SRGAP1: variants seen among roughly 807,000 people sequenced by gnomAD.
SRGAP1 encodes the protein SLIT-ROBO Rho GTPase activating protein 1.
Under a neutral mutation model 121.9 loss-of-function variants are expected in SRGAP1, and 43 were observed. The ratio of observed to expected loss-of-function variants is 0.35; its 90% CI spans 0.28 to 0.46. The LOEUF (loss-of-function observed/expected upper bound fraction) is 0.46. SRGAP1 is among the 20% of genes least tolerant of loss of function. SRGAP1 has a pLI of 1.00. For missense variants in SRGAP1, 1,102 were observed against 1,350.9 expected, an observed-to-expected ratio of 0.82 and a Z score of 2.89; for synonymous variants, 447 against 485.4, an observed-to-expected ratio of 0.92 and a Z score of 1.04.
intron 1 of SRGAP1, among the ~76,000 whole-genome samples, chr12:63,965,151 G>C (rs958006528): frequency 1.3e-5 from 2 of 152,128 alleles, no homozygotes; most frequent in Non-Finnish European, 2.9e-5. Flanking sequence ...AGCTAATAAA[G>C]AGCCTGGCTT....
intron 21 of SRGAP1, among the ~76,000 whole-genome samples, chr12:64,138,850 G>A (rs1056930753): frequency 6.6e-6 from 1 of 152,044 alleles, no homozygotes; most frequent in Non-Finnish European, 1.5e-5. Context: ...TCAGTTAATT[G>A]AGTTAACTCA....
At chr12:64,134,165 T>C (rs2036825490) in intron 21 of SRGAP1, among the ~76,000 whole-genome samples, 1 of 152,102 alleles carries the variant, frequency 6.6e-6, no homozygotes, top group Non-Finnish European at 1.5e-5. Flanking sequence ...CTCATGCCTA[T>C]AATCTCAGCA....
Position 63,875,367 on chromosome 12 carries a change from A to C in SRGAP1, c.67+30484A>C, listed in dbSNP as rs73126641. On this transcript the variant is annotated intron_variant, in intron 1 of 21. Transcript: ENST00000355086. ...TATTTTATTTCTGCTTTTTAGCAGG[A>C]AGGTCGCCAATAATCAAGCTGTAAA... Among the ~76,000 whole-genome samples the C allele has an allele frequency of 3.5e-3, 538 of 152,306 alleles. 1 individual carries two copies. The highest frequency in any genetic ancestry group is 5.1e-3 in the Non-Finnish European group (350 of 68,032).
intron 1 of SRGAP1, among the ~76,000 whole-genome samples, chr12:63,864,253 T>C (rs926223067): frequency 2.0e-5 from 3 of 152,204 alleles, no homozygotes; most frequent in Non-Finnish European, 4.4e-5. Context: ...CGTTGTGAAA[T>C]AATGTACAGA....
chr12:63,943,527 G>A (rs978534063), intron 1 of SRGAP1, among the ~76,000 whole-genome samples: 2 of 152,156 alleles, frequency 1.3e-5, no homozygotes, highest in South Asian at 2.1e-4. Flanking sequence ...TTTTTCCAAG[G>A]TTACATAGCT....
At chr12:63,933,098 G>A (rs1191082860) in intron 1 of SRGAP1, among the ~76,000 whole-genome samples, 1 of 152,154 alleles carries the variant, frequency 6.6e-6, no homozygotes, top group African/African-American at 2.4e-5. Flanking sequence ...TGAAGCAGGA[G>A]AATCACTTGA....
chr12:64,125,593 C>T (rs1369155752), intron 18 of SRGAP1, among the ~76,000 whole-genome samples: 1 of 152,260 alleles, frequency 6.6e-6, no homozygotes, highest in East Asian at 1.9e-4. Context: ...GAAATTCCCT[C>T]AGTGTCATCT....
rs751471420 is a variant in SRGAP1 at position 64,062,896 on chromosome 12, G to C, written c.802-21G>C. 4 of 1,578,900 alleles carry C rather than the reference G, an allele frequency of 2.5e-6. No homozygotes were observed. In the South Asian group the frequency reaches 4.5e-5, roughly 18 times the overall value. Reference sequence around the variant, plus strand: ...CAATTTTGCATTCATTTTTGTATGTGGTGTTCTTTTACTTTTTAAGTGCTG... The same window carrying C: ...CAATTTTGCATTCATTTTTGTATGTCGTGTTCTTTTACTTTTTAAGTGCTG... On this transcript the variant is annotated intron_variant, in intron 6 of 21. Coordinates refer to ENST00000355086, the MANE Select transcript of SRGAP1 (RefSeq NM_020762.4).
intron 1 of SRGAP1, among the ~76,000 whole-genome samples, chr12:63,974,608 T>C (rs1313822978): frequency 6.6e-6 from 1 of 152,192 alleles, no homozygotes; most frequent in Non-Finnish European, 1.5e-5. Flanking sequence ...GATATGCTAG[T>C]CACCTCTAGA....
chr12:64,090,215 C>T (rs1313944307), intron 11 of SRGAP1, among the ~76,000 whole-genome samples: 1 of 152,150 alleles, frequency 6.6e-6, no homozygotes, highest in Admixed American at 6.5e-5. Flanking sequence ...TCTGCAGTCA[C>T]AGGGCAAGAT....
rs560894081 is a variant in SRGAP1 at position 64,132,251 on chromosome 12, C to A, written c.2880+4051C>A. ...AATCCTAGAGGCCTCCGCTGTGATT[C>A]ACCTATGGGGGCCTGCCAAAGGCTC... On this transcript the variant is annotated intron_variant, in intron 21 of 21. Coordinates refer to ENST00000355086, the MANE Select transcript of SRGAP1 (RefSeq NM_020762.4). 3.9e-5 allele frequency among the ~76,000 whole-genome samples: 6 copies of A among 152,318 alleles called. No individual in the cohort carries two copies. The South Asian group carries it at 8.3e-4, about 21-fold the overall frequency.
intron 1 of SRGAP1, among the ~76,000 whole-genome samples, chr12:63,897,749 A>T (rs1482438689): frequency 6.6e-6 from 1 of 152,152 alleles, no homozygotes; most frequent in Non-Finnish European, 1.5e-5. Flanking sequence ...ATGTGTCTTT[A>T]TTCGGAAGCT....
At chr12:63,889,907 CA>C (rs879582927) in intron 1 of SRGAP1, among the ~76,000 whole-genome samples, 58 of 134,078 alleles carry the variant, frequency 4.3e-4, no homozygotes, top group East Asian at 1.7e-3. Flanking sequence ...GACTCAGTCT[CA>C]AAAAAAAAAA....
chr12:64,097,661 A>G (rs2036185275), intron 15 of SRGAP1: 1 of 282,394 alleles, frequency 3.5e-6, no homozygotes, highest in South Asian at 1.4e-4. Context: ...CCAGCTGCCT[A>G]AGGGAAAGGA....
intron 1 of SRGAP1, among the ~76,000 whole-genome samples, chr12:63,926,765 A>T (rs1160643926): frequency 6.6e-6 from 1 of 152,144 alleles, no homozygotes; most frequent in African/African-American, 2.4e-5. Context: ...AGCCACCCTG[A>T]TGTACAGTAG....
At chr12:64,103,020 CTG>C (rs1213831058) in intron 15 of SRGAP1, among the ~76,000 whole-genome samples, 3 of 152,172 alleles carry the variant, frequency 2.0e-5, no homozygotes, top group African/African-American at 4.8e-5. Flanking sequence ...GGCTCTCACT[CTG>C]TTGTCCAGGC....
At chr12:63,891,358 C>T (rs1331001161) in intron 1 of SRGAP1, among the ~76,000 whole-genome samples, 1 of 152,172 alleles carries the variant, frequency 6.6e-6, no homozygotes, top group Non-Finnish European at 1.5e-5. Context: ...GCCTTCATAC[C>T]GTTCTTTCCT....
Position 63,931,296 on chromosome 12 carries a change from G to A in SRGAP1, c.68-52651G>A, listed in dbSNP as rs80034307. The stretch of plus-strand genomic sequence containing the variant: ...CTGTTCTTCTTTTCTCTGGGCCTAA[G>A]TTTCTATATCTCTAAATGGATTAAA... On this transcript the variant is annotated intron_variant, in intron 1 of 21. Transcript: ENST00000355086. Among the ~76,000 whole-genome samples, 599 of 152,224 alleles carry A rather than the reference G, an allele frequency of 3.9e-3. 27 individuals are homozygous for A. In the East Asian group the frequency reaches 0.097, roughly 25 times the overall value.
At position 64,145,525 on chromosome 12, in the gene SRGAP1, A is replaced by C. The variant is rs1022457553; in HGVS notation, c.*2853A>C. The C allele has an allele frequency of 6.8e-6, 1 of 147,540 alleles. No individual in the cohort carries two copies. Among genetic ancestry groups the C allele is most frequent in the Non-Finnish European group, 1.5e-5 (1 of 66,700 alleles). The allele number at this position is 147,540 out of a possible 1,614,324, so 9.1% of individuals were successfully genotyped here. A position where few individuals can be genotyped will look rare whatever the true frequency, so the allele number is the denominator to read the frequency against. On this transcript the variant is annotated 3_prime_UTR_variant, in exon 22 of 22. Coordinates refer to ENST00000355086, the MANE Select transcript of SRGAP1 (RefSeq NM_020762.4). ...CACTCACTTTACCTGTCTCCATCTT[A>C]TTTCCCTATACTCCTATTGTCAGCT...
Sources: allele counts gnomAD v4.1 joint callset (sites outside exome capture counted in the v4.1 genomes callset), GRCh38; gene constraint gnomAD v4.1.1; transcripts MANE v1.5; gene names NCBI Gene and HGNC (gene_info 2026-07-23, HGNC 2026-07-21).